EPHB2: variants seen among roughly 807,000 people sequenced by gnomAD.
EPHB2 encodes EPH receptor B2, also known as ephrin type-B receptor 2.
A neutral mutation model predicts 96.4 loss-of-function variants in EPHB2; 18 were observed. The ratio of observed to expected loss-of-function variants is 0.19; its 90% CI spans 0.13 to 0.28. EPHB2 has a LOEUF of 0.28. Ranked by LOEUF, EPHB2 falls within the 10% of genes least tolerant of loss-of-function variation. The pLI is 1.00. For missense variants in EPHB2, 989 were observed against 1,355.4 expected, an observed-to-expected ratio of 0.73 and a Z score of 4.25; for synonymous variants, 506 against 534.1, an observed-to-expected ratio of 0.95 and a Z score of 0.72.
chr1:22,880,092 A>G (rs1024897967), intron 5 of EPHB2, among the ~76,000 whole-genome samples: 2 of 151,960 alleles, frequency 1.3e-5, no homozygotes, highest in African/African-American at 2.4e-5. Flanking sequence ...GGCAGGGAAC[A>G]TTGGAGCCTC....
chr1:22,749,400 A>C (rs910289741), intron 1 of EPHB2, among the ~76,000 whole-genome samples: 2 of 152,114 alleles, frequency 1.3e-5, no homozygotes, highest in Non-Finnish European at 2.9e-5. Flanking sequence ...AGGGACTGGG[A>C]TGTGCATTTC....
At chr1:22,781,388 G>A in intron 1 of EPHB2, 33 bp from the exon 2 acceptor site, 1 of 1,610,006 alleles carries the variant, frequency 6.2e-7, no homozygotes, top group Non-Finnish European at 8.5e-7. Flanking sequence ...CTGGTAGGTG[G>A]GGCGGGGTGG....
chr1:22,769,567 C>T (rs1370645046), intron 1 of EPHB2, among the ~76,000 whole-genome samples: 1 of 152,046 alleles, frequency 6.6e-6, no homozygotes, highest in African/African-American at 2.4e-5. Flanking sequence ...ACCACCACAC[C>T]CAGCTAATTT....
At chr1:22,896,136 A>G (rs995421243) in intron 8 of EPHB2, among the ~76,000 whole-genome samples, 1 of 152,176 alleles carries the variant, frequency 6.6e-6, no homozygotes, top group Non-Finnish European at 1.5e-5. Flanking sequence ...GGTGGACAGA[A>G]GCCCCTGGGG....
In EPHB2 at chr1:22,784,528, T is replaced by C; in HGVS notation, c.263T>C (p.Val88Ala). ...IRRRGAHRIH[V>A]EMKFSVRDCS... ...CGCCGTGGCGCCCACCGCATCCACGTGGAGATGAAGTTTTCGGTGCGTGAC... is the reference window on the plus strand; with the variant it reads ...CGCCGTGGCGCCCACCGCATCCACGCGGAGATGAAGTTTTCGGTGCGTGAC... The change falls in exon 3 of 16, where the codon GTG becomes GCG. Residue 88 changes from valine to alanine, a missense_variant. By Grantham distance (64) the Val-to-Ala change is moderately conservative (BLOSUM62 0). Coordinates refer to ENST00000374630, the MANE Select transcript of EPHB2 (RefSeq NM_017449.5). This position sits in a 1 kb window ranked among gnomAD's most constrained non-coding sequence, Gnocchi z 5.1. The C allele has an allele frequency of 6.2e-7, 1 of 1,613,702 alleles. No individual in the cohort carries two copies. Among genetic ancestry groups the C allele is most frequent in the Non-Finnish European group, 8.5e-7 (1 of 1,179,668 alleles).
chr1:22,742,453 T>G (rs1371311733), intron 1 of EPHB2, among the ~76,000 whole-genome samples: 1 of 152,186 alleles, frequency 6.6e-6, no homozygotes, highest in Non-Finnish European at 1.5e-5. Flanking sequence ...GTGAATCGAC[T>G]AACTGACATT....
In EPHB2 at chr1:22,913,248, G is replaced by T; in HGVS notation, c.2853-214G>T. On this transcript the variant is annotated intron_variant, in intron 15 of 15. Transcript: ENST00000374630. This position sits in a 1 kb window ranked among gnomAD's most constrained non-coding sequence, Gnocchi z 4.1. ...CCCTCCCAATAGCAGGGGAGAGAAGGCCCCCTAGGGACCCTGATTCCGACT... is the reference window on the plus strand; with the variant it reads ...CCCTCCCAATAGCAGGGGAGAGAAGTCCCCCTAGGGACCCTGATTCCGACT... 3.2e-6 allele frequency: 2 copies of T among 618,434 alleles called. No individual in the cohort carries two copies. The highest frequency in any genetic ancestry group is 2.9e-6 in the Non-Finnish European group (1 of 347,334). 38.3% of individuals were successfully genotyped at this position (618,434 alleles called of 1,614,324 possible).
intron 3 of EPHB2, chr1:22,836,014 G>A (rs1323608506): frequency 2.6e-5 from 4 of 151,602 alleles, no homozygotes; most frequent in Admixed American, 1.3e-4. Context: ...AGAAACATCT[G>A]TGAGATGAAA....
chr1:22,827,513 A>G (rs1645242149), intron 3 of EPHB2, among the ~76,000 whole-genome samples: 1 of 152,212 alleles, frequency 6.6e-6, no homozygotes, highest in Non-Finnish European at 1.5e-5. Flanking sequence ...CCTGCATGCA[A>G]CCTGACTGCT....
Position 22,785,083 on chromosome 1 carries a change from G to C in EPHB2, c.811+7G>C, listed in dbSNP as rs1487060522. ...AATGGCACCGTCTGCCGAGGTAAGG[G>C]CCAGGGTGGGGCACGTGCCCCTGCA... On this transcript the variant is annotated splice_region_variant and intron_variant, in intron 3 of 15. Transcript: ENST00000374630. 6.2e-7 allele frequency: 1 copy of C among 1,613,434 alleles called. No homozygotes were observed. The highest frequency in any genetic ancestry group is 8.5e-7 in the Non-Finnish European group (1 of 1,180,048).
In EPHB2 at chr1:22,858,180, A is replaced by G. The variant is rs1645731249; in HGVS notation, c.812-4857A>G. ...GGGAACAGCTTGGCCAAAGGCCTGG[A>G]GGTGAGAGCGCATTCGATGACCACA... On this transcript the variant is annotated intron_variant, in intron 3 of 15. Transcript: ENST00000374630. This position sits in a 1 kb window ranked among gnomAD's most constrained non-coding sequence, Gnocchi z 7.7. Among the ~76,000 whole-genome samples, 1 of 152,076 alleles carries G rather than the reference A, an allele frequency of 6.6e-6. No homozygotes were observed. Among genetic ancestry groups the G allele is most frequent in the Admixed American group, 6.5e-5 (1 of 15,276 alleles).
chr1:22,831,983 G>A (rs1645310738), intron 3 of EPHB2, among the ~76,000 whole-genome samples: 1 of 152,322 alleles, frequency 6.6e-6, no homozygotes, highest in East Asian at 1.9e-4. Context: ...GGGTACTGGG[G>A]AGAGGAAGAA....
In EPHB2 at chr1:22,790,698, G is replaced by T. The variant is rs948645352; in HGVS notation, c.811+5622G>T. On this transcript the variant is annotated intron_variant, in intron 3 of 15. Coordinates refer to ENST00000374630, the MANE Select transcript of EPHB2 (RefSeq NM_017449.5). This position sits in a 1 kb window ranked among gnomAD's most constrained non-coding sequence, Gnocchi z 4.0. ...TCTGTTCTCTCCCAGTGGCCAACCCGCATCTGCGAGGGATCTGGAGGCAGT... is the reference window on the plus strand; with the variant it reads ...TCTGTTCTCTCCCAGTGGCCAACCCTCATCTGCGAGGGATCTGGAGGCAGT... 2.0e-5 allele frequency among the ~76,000 whole-genome samples: 3 copies of T among 152,218 alleles called. No homozygotes were observed. Among genetic ancestry groups the T allele is most frequent in the Admixed American group, 2.0e-4 (3 of 15,290 alleles).
intron 1 of EPHB2, among the ~76,000 whole-genome samples, chr1:22,721,320 G>C (rs1643460982): frequency 6.6e-6 from 1 of 152,168 alleles, no homozygotes; most frequent in African/African-American, 2.4e-5. Flanking sequence ...AGTCAAAGTT[G>C]ACGCATTAAA....
intron 1 of EPHB2, among the ~76,000 whole-genome samples, chr1:22,777,392 G>A (rs139927928): frequency 8.9e-4 from 135 of 152,268 alleles, no homozygotes; most frequent in African/African-American, 3.2e-3. Flanking sequence ...GAGAGATTCT[G>A]GCTCCTAATA....
chr1:22,720,637 C>T (rs1172663972), intron 1 of EPHB2, among the ~76,000 whole-genome samples: 1 of 128,458 alleles, frequency 7.8e-6, no homozygotes, highest in Non-Finnish European at 1.6e-5. Flanking sequence ...GGTGGGGAGG[C>T]AACAGGAAGC....
chr1:22,823,828 G>A (rs1393977069), intron 3 of EPHB2, among the ~76,000 whole-genome samples: 4 of 152,216 alleles, frequency 2.6e-5, no homozygotes, highest in Non-Finnish European at 5.9e-5. Flanking sequence ...CACATAGTAG[G>A]TGTTCATAGA....
At chr1:22,836,195 G>A (rs1314462893) in intron 3 of EPHB2, among the ~76,000 whole-genome samples, 3 of 152,072 alleles carry the variant, frequency 2.0e-5, no homozygotes, top group South Asian at 2.1e-4. Context: ...CCTTCTGATC[G>A]TCTACACTCC....
chr1:22,852,687 C>T (rs1408850436), intron 3 of EPHB2, among the ~76,000 whole-genome samples: 1 of 152,208 alleles, frequency 6.6e-6, no homozygotes, highest in African/African-American at 2.4e-5. Context: ...TCTGGCTCCC[C>T]TGGGAGACTG....
Sources: gnomAD v4.1 joint callset for allele counts (sites outside exome capture counted in the v4.1 genomes callset) on GRCh38, gnomAD v4.1.1 for gene constraint, Gnocchi (gnomAD v3.1) non-coding constraint, MANE v1.5 for transcripts, NCBI Gene and HGNC (gene_info 2026-07-23, HGNC 2026-07-21) for gene names.